The following NBN variants were observed in gnomAD, a reference collection of about 807,000 sequenced individuals.
NBN encodes the protein nibrin, also known as Nijmegen breakage syndrome 1 (nibrin).
A neutral mutation model predicts 90.8 loss-of-function variants in NBN; 88 were observed. The ratio of observed to expected loss-of-function variants is 0.97; its 90% CI spans 0.82 to 1.16. The LOEUF (loss-of-function observed/expected upper bound fraction) is 1.16, where lower values mean the gene tolerates loss of function less well. NBN is among the 50% of genes most tolerant of loss of function. NBN has a pLI of 0.00. For missense variants in NBN, 894 were observed against 869.6 expected, an observed-to-expected ratio of 1.03 and a Z score of -0.35; for synonymous variants, 328 against 295.1, an observed-to-expected ratio of 1.11 and a Z score of -1.14.
rs753269019 is a variant in NBN at position 89,943,312 on chromosome 8, T to A, written c.2125A>T (p.Ile709Leu). The A allele has an allele frequency of 6.2e-7, 1 of 1,612,934 alleles. No homozygotes were observed. Among genetic ancestry groups the A allele is most frequent in the South Asian group, 1.1e-5 (1 of 91,062 alleles). Reference protein sequence around the residue: ...LPHIIGGSDLIAHHARKNTEL... With the variant: ...LPHIIGGSDLLAHHARKNTEL... ...GTATTCTTTCGAGCATGATGAGCTA[T>A]TAGATCTGATCCTCCAATGATGTGT... Residue 709 changes from isoleucine (I) to leucine (L), a missense_variant, in exon 14 of 16, where the codon ATA (isoleucine) becomes TTA (leucine). Ile to Leu is a conservative substitution (Grantham distance 5). Coordinates refer to ENST00000265433, the MANE Select transcript of NBN (RefSeq NM_002485.5).
chr8:89,980,710 A>C lies in NBN; in HGVS notation c.480+24T>G, dbSNP rs1805842. ...TAAATTCAAATAACTTATTTTTAAC[A>C]TAAGAACAAGACATTCAACCTACTT... is the stretch of plus-strand genomic sequence containing the variant. On this transcript the variant is annotated intron_variant, in intron 4 of 15. Transcript: ENST00000265433. 39 of 1,589,596 alleles carry C rather than the reference A, an allele frequency of 2.5e-5. No individual in the cohort carries two copies. The African/African-American group carries it at 3.4e-4, about 14-fold the overall frequency.
chr8:89,945,920 C>G (rs1261573673), intron 13 of NBN, among the ~76,000 whole-genome samples: 2 of 152,078 alleles, frequency 1.3e-5, no homozygotes, highest in African/African-American at 4.8e-5. Context: ...AAACAGCAAC[C>G]TCTAAAGAAT....
At chr8:89,983,157 T>C (rs768776398) in intron 1 of NBN, among the ~76,000 whole-genome samples, 1 of 152,214 alleles carries the variant, frequency 6.6e-6, no homozygotes, top group Admixed American at 6.5e-5. Flanking sequence ...GGCTACATCA[T>C]TTTTCTAAAG....
intron 4 of NBN, 98 bp downstream of exon 4, chr8:89,980,636 T>G: frequency 2.0e-6 from 2 of 995,938 alleles, no homozygotes; most frequent in Non-Finnish European, 3.1e-6. Context: ...CTAACAGTTC[T>G]GATAGTTTTA....
intron 9 of NBN, among the ~76,000 whole-genome samples, chr8:89,957,871 G>C (rs1177257031): frequency 6.6e-6 from 1 of 151,952 alleles, no homozygotes; most frequent in East Asian, 1.9e-4. Flanking sequence ...GGCAGAGGGG[G>C]GAATGGTTTT....
chr8:89,982,426 T>C (rs142177937), intron 2 of NBN: 8 of 423,482 alleles, frequency 1.9e-5, no homozygotes, highest in South Asian at 1.2e-4. Context: ...ACCAAACTAA[T>C]AGTAAACAAT....
chr8:89,984,419 G>T, intron 1 of NBN, 106 bp downstream of exon 1: 1 of 1,072,610 alleles, frequency 9.3e-7, no homozygotes, highest in Non-Finnish European at 1.4e-6. Context: ...CGCTTCCGCA[G>T]CGTCCCCGGG....
In NBN at chr8:89,933,344, T is replaced by C. The variant is rs1033933118; in HGVS notation, c.*2238A>G. On this transcript the variant is annotated 3_prime_UTR_variant, in exon 16 of 16. Transcript: ENST00000265433. ...TTAAATACAGTATTTTCAACTTACA[T>C]TGCGTTTATTACAATGTAATCCCAA... The C allele has an allele frequency of 9.4e-6, 2 of 212,462 alleles. No homozygotes were observed. The highest frequency in any genetic ancestry group is 1.9e-4 in the South Asian group (1 of 5,356). The allele number at this position is 212,462 out of a possible 1,614,324, so 13.2% of individuals were successfully genotyped here. A position where few individuals can be genotyped will look rare whatever the true frequency, so the allele number is the denominator to read the frequency against.
At chr8:89,978,114 G>T in intron 5 of NBN, 106 bp downstream of exon 5, 1 of 1,010,788 alleles carries the variant, frequency 9.9e-7, no homozygotes, top group Non-Finnish European at 1.5e-6. Flanking sequence ...CTATAACACA[G>T]CAACTATTAC....
chr8:89,953,378 T>C lies in NBN; in HGVS notation c.1711A>G (p.Lys571Glu), dbSNP rs587780090. The C allele has an allele frequency of 1.1e-5, 17 of 1,613,796 alleles. No homozygotes were observed. Among genetic ancestry groups the C allele is most frequent in the African/African-American group, 2.7e-5 (2 of 75,056 alleles). Residue 571 changes from lysine (K) to glutamate (E), a missense_variant, in exon 11 of 16, where the codon AAA becomes GAA. Lys to Glu is a moderately conservative substitution (Grantham distance 56, BLOSUM62 1). Coordinates refer to ENST00000265433, the MANE Select transcript of NBN (RefSeq NM_002485.5). ...EVLEQLFKDT[K>E]PELEIDVKVQ... ...TTCACATCAATTTCTAACTCTGGTT[T>C]TGTGTCCTTGAATAACTGTTCCAAT...
At position 89,984,599 on chromosome 8, in the gene NBN, G is replaced by T; in HGVS notation, c.-38C>A. On this transcript the variant is annotated 5_prime_UTR_variant, in exon 1 of 16. Transcript: ENST00000265433. ...TCAGGGCTGGGGCCGACGTGCAACC[G>T]CGTAACCGGGGCTGCTAGACGAGCG... The T allele has an allele frequency of 3.1e-6, 5 of 1,610,852 alleles. No individual in the cohort carries two copies. Among genetic ancestry groups the T allele is most frequent in the Non-Finnish European group, 4.2e-6 (5 of 1,179,010 alleles).
intron 11 of NBN, among the ~76,000 whole-genome samples, chr8:89,948,283 T>C (rs1250892482): frequency 6.6e-6 from 1 of 152,186 alleles, no homozygotes; most frequent in African/African-American, 2.4e-5. Flanking sequence ...TGGTTGTCTG[T>C]AGATGGTAGG....
In NBN at chr8:89,964,637, T is replaced by C; in HGVS notation, c.897-130A>G. 5 of 885,464 alleles carry C rather than the reference T, an allele frequency of 5.6e-6. No individual in the cohort carries two copies. In the South Asian group the frequency reaches 6.7e-5, roughly 12 times the overall value. 54.9% of individuals were successfully genotyped at this position (885,464 alleles called of 1,614,324 possible). A position where few individuals can be genotyped will look rare whatever the true frequency, so the allele number is the denominator to read the frequency against. ...TTTATGGTATAGACAGAATTTCAAATGCAGAGTACTATAATAGCTTACTCG... is the reference window on the plus strand; with the variant it reads ...TTTATGGTATAGACAGAATTTCAAACGCAGAGTACTATAATAGCTTACTCG... On this transcript the variant is annotated intron_variant, in intron 7 of 15. Coordinates refer to ENST00000265433, the MANE Select transcript of NBN (RefSeq NM_002485.5).
intron 14 of NBN, among the ~76,000 whole-genome samples, chr8:89,938,942 G>T (rs535417924): frequency 9.9e-5 from 15 of 152,234 alleles, no homozygotes; most frequent in African/African-American, 3.6e-4. Context: ...GGAGAAAGCA[G>T]TTTTATTTCA....
chr8:89,984,082 C>G, intron 1 of NBN: 1 of 194,412 alleles, frequency 5.1e-6, no homozygotes, highest in Non-Finnish European at 1.1e-5. Context: ...TGAAAGTAAG[C>G]CTTTTCGTGG....
rs10631091 is a variant in NBN at position 89,943,038 on chromosome 8, C to CT, written c.2184+214dup. On this transcript the variant is annotated intron_variant, in intron 14 of 15. Transcript: ENST00000265433. ...GTAAACTGAATTTCTTAGGTCTCAC[C>CT]TTTTTTTTTTTTTTTAACAAAAATA... Among the ~76,000 whole-genome samples, 45,076 of 139,562 alleles carry CT rather than the reference C, an allele frequency of 0.32. 7,154 individuals are homozygous for CT. Among genetic ancestry groups the CT allele is most frequent in the East Asian group, 0.45 (2,217 of 4,906 alleles). The allele number at this position is 139,562 out of a possible 152,430, so 91.6% of individuals were successfully genotyped here. A position where few individuals can be genotyped will look rare whatever the true frequency, so the allele number is the denominator to read the frequency against.
rs755689211 is a variant in NBN at position 89,980,722 on chromosome 8, C to T, written c.480+12G>A. Reference sequence around the variant, plus strand: ...ACTTATTTTTAACATAAGAACAAGACATTCAACCTACTTTAATGGTAACTT... The same window carrying T: ...ACTTATTTTTAACATAAGAACAAGATATTCAACCTACTTTAATGGTAACTT... On this transcript the variant is annotated intron_variant, in intron 4 of 15. Coordinates refer to ENST00000265433, the MANE Select transcript of NBN (RefSeq NM_002485.5). The T allele has an allele frequency of 1.2e-6, 2 of 1,601,896 alleles. No homozygotes were observed. The highest frequency in any genetic ancestry group is 1.7e-6 in the Non-Finnish European group (2 of 1,169,284).
chr8:89,980,705 T>C lies in NBN; in HGVS notation c.480+29A>G, dbSNP rs751274524. On this transcript the variant is annotated intron_variant, in intron 4 of 15. Coordinates refer to ENST00000265433, the MANE Select transcript of NBN (RefSeq NM_002485.5). ...AAGCTTAAATTCAAATAACTTATTTTTAACATAAGAACAAGACATTCAACC... is the reference window on the plus strand; with the variant it reads ...AAGCTTAAATTCAAATAACTTATTTCTAACATAAGAACAAGACATTCAACC... 6 of 1,580,946 alleles carry C rather than the reference T, an allele frequency of 3.8e-6. No individual in the cohort carries two copies. The Admixed American group carries it at 1.0e-4, about 27-fold the overall frequency.
rs548042230 is a variant in NBN, at chr8:89,984,622, G to C, written c.-61C>G. On this transcript the variant is annotated 5_prime_UTR_variant, in exon 1 of 16. Transcript: ENST00000265433. Reference sequence around the variant, plus strand: ...CCGCGTAACCGGGGCTGCTAGACGAGCGCGGATACGGCGCCTGCGGTCGGC... The same window carrying C: ...CCGCGTAACCGGGGCTGCTAGACGACCGCGGATACGGCGCCTGCGGTCGGC... The C allele has an allele frequency of 1.2e-6, 2 of 1,600,104 alleles. No individual in the cohort carries two copies. The highest frequency in any genetic ancestry group is 2.7e-5 in the African/African-American group (2 of 74,586).
Sources: allele counts gnomAD v4.1 joint callset (sites outside exome capture counted in the v4.1 genomes callset), GRCh38; gene constraint gnomAD v4.1.1; transcripts MANE v1.5; gene names NCBI Gene and HGNC (gene_info 2026-07-23, HGNC 2026-07-21).